SDK2: variants seen among roughly 807,000 people sequenced by gnomAD.
SDK2 encodes the protein protein sidekick-2.
Under a neutral mutation model 253.9 loss-of-function variants are expected in SDK2, and 105 were observed. The observed-to-expected ratio is 0.41, with a 90% CI of 0.35 to 0.49. The LOEUF is 0.49. Among genes scored for constraint, SDK2 ranks in the 20% least tolerant of loss-of-function variants. SDK2 has a pLI of 0.06. For synonymous variants in SDK2, 1,249 were observed against 1,234.9 expected (o/e 1.01, Z -0.24); for missense variants, 2,608 against 3,003.0 (o/e 0.87, Z 3.07).
intron 1 of SDK2, among the ~76,000 whole-genome samples, chr17:73,605,066 G>A (rs997106181): frequency 6.6e-6 from 1 of 152,204 alleles, no homozygotes; most frequent in Non-Finnish European, 1.5e-5. Context: ...GGGCAAGGGG[G>A]CAAGGCCGTA....
At chr17:73,384,707 T>C (rs1016860143) in intron 32 of SDK2, among the ~76,000 whole-genome samples, 9 of 152,294 alleles carry the variant, frequency 5.9e-5, no homozygotes, top group African/African-American at 2.2e-4. Flanking sequence ...GTAGTCTTGC[T>C]TGGAAGGCTG....
chr17:73,617,181 T>C (rs747075077), intron 1 of SDK2, among the ~76,000 whole-genome samples: 10 of 135,158 alleles, frequency 7.4e-5, no homozygotes, highest in Non-Finnish European at 1.3e-4. Context: ...GGGAGAGGGC[T>C]CCAGGGGAGG....
intron 2 of SDK2, among the ~76,000 whole-genome samples, chr17:73,477,195 C>T (rs894778703): frequency 6.6e-6 from 1 of 152,192 alleles, no homozygotes; most frequent in Non-Finnish European, 1.5e-5. Flanking sequence ...CACTCATTAT[C>T]CCCAATGCGC....
intron 2 of SDK2, among the ~76,000 whole-genome samples, chr17:73,503,139 A>G (rs547535437): frequency 2.6e-4 from 39 of 152,334 alleles, no homozygotes; most frequent in African/African-American, 8.9e-4. Context: ...ATAGTTCTAG[A>G]TTTAAGGTGT....
intron 3 of SDK2, among the ~76,000 whole-genome samples, chr17:73,470,281 A>G (rs2063639458): frequency 6.6e-6 from 1 of 151,690 alleles, no homozygotes; most frequent in African/African-American, 2.4e-5. Context: ...ACATGCATGC[A>G]TGCATGCAAA....
chr17:73,579,430 T>C (rs1160164782), intron 1 of SDK2, among the ~76,000 whole-genome samples: 1 of 152,102 alleles, frequency 6.6e-6, no homozygotes, highest in African/African-American at 2.4e-5. Flanking sequence ...ATCCTCTTAC[T>C]CAGGCTTCTC....
chr17:73,499,707 G>A (rs2063870778), intron 2 of SDK2, among the ~76,000 whole-genome samples: 1 of 152,188 alleles, frequency 6.6e-6, no homozygotes, highest in South Asian at 2.1e-4. Context: ...ATAATCCCAG[G>A]CAAGTTTCTG....
chr17:73,414,588 C>T, intron 18 of SDK2, 56 bp downstream of exon 18: 3 of 1,393,596 alleles, frequency 2.2e-6, no homozygotes, highest in Non-Finnish European at 3.1e-6. Flanking sequence ...CCCCTCTCCC[C>T]ACCCCCTCCA....
At chr17:73,405,818 C>T (rs1161496224) in intron 18 of SDK2, among the ~76,000 whole-genome samples, 3 of 150,934 alleles carry the variant, frequency 2.0e-5, no homozygotes, top group African/African-American at 4.9e-5. Context: ...CTCTCGGGTT[C>T]ACGCCATTCT....
rs1043783797 is a variant in SDK2 at position 73,541,057 on chromosome 17, C to T, written c.65-33460G>A. Reference sequence around the variant, plus strand: ...GCTGCCAATGGTAAGCTGCTAGGCCCCCTGAGAGTAGGTGTCTGCCAGTGT... The same window carrying T: ...GCTGCCAATGGTAAGCTGCTAGGCCTCCTGAGAGTAGGTGTCTGCCAGTGT... On this transcript the variant is annotated intron_variant, in intron 1 of 44. Transcript: ENST00000392650. The surrounding 1 kb of genome is among the most constrained non-coding windows in gnomAD (Gnocchi z 4.3). Among the ~76,000 whole-genome samples, 2 of 152,306 alleles carry T rather than the reference C, an allele frequency of 1.3e-5. No individual in the cohort carries two copies. The highest frequency in any genetic ancestry group is 4.8e-5 in the African/African-American group (2 of 41,556).
chr17:73,437,656 G>A (rs2063380442), intron 8 of SDK2, 83 bp downstream of exon 8: 2 of 1,209,556 alleles, frequency 1.7e-6, no homozygotes, highest in African/African-American at 3.0e-5. Context: ...GAAGAAGCTG[G>A]AATTTAGAAA....
In SDK2 at chr17:73,605,241, G is replaced by A. The variant is rs138959970; in HGVS notation, c.64+38784C>T. 6.6e-3 allele frequency among the ~76,000 whole-genome samples: 1,007 copies of A among 152,222 alleles called. 8 individuals carry two copies. Among genetic ancestry groups the A allele is most frequent in the African/African-American group, 0.023 (952 of 41,540 alleles). On this transcript the variant is annotated intron_variant, in intron 1 of 44. Transcript: ENST00000392650. ...GAAGGAAAGATGTAGGGAAGAGGCC[G>A]GAGCAGTCAAGAGAAATTGCTAAGG...
intron 1 of SDK2, among the ~76,000 whole-genome samples, chr17:73,552,091 T>C (rs533777794): frequency 6.6e-6 from 1 of 151,774 alleles, no homozygotes; most frequent in South Asian, 2.1e-4. Flanking sequence ...TCGGCCAGCC[T>C]GTCCCCCCTG....
chr17:73,521,941 C>T (rs34260932), intron 1 of SDK2, among the ~76,000 whole-genome samples: 18,897 of 152,168 alleles, frequency 0.12, 1,768 homozygotes, highest in African/African-American at 0.26. Flanking sequence ...TGCCAGGCCT[C>T]GTGCTGGTGC....
Position 73,447,865 on chromosome 17 carries a change from C to T in SDK2, c.480-117G>A, listed in dbSNP as rs2063464828. 1 of 1,237,616 alleles carries T rather than the reference C, an allele frequency of 8.1e-7. No homozygotes were observed. The highest frequency in any genetic ancestry group is 1.1e-6 in the Non-Finnish European group (1 of 887,192). 76.7% of individuals were successfully genotyped at this position (1,237,616 alleles called of 1,614,324 possible). On this transcript the variant is annotated intron_variant, in intron 4 of 44. Transcript: ENST00000392650. The surrounding 1 kb of genome is among the most constrained non-coding windows in gnomAD (Gnocchi z 4.0). Reference sequence around the variant, plus strand: ...CCATATCTCCCAGTCCCCAGCCTCCCAGGGCCCCTCCTGCCACCCCCTCCC... The same window carrying T: ...CCATATCTCCCAGTCCCCAGCCTCCTAGGGCCCCTCCTGCCACCCCCTCCC...
chr17:73,497,765 T>C (rs530577446), intron 2 of SDK2, among the ~76,000 whole-genome samples: 10 of 152,178 alleles, frequency 6.6e-5, no homozygotes, highest in Admixed American at 5.2e-4. Context: ...ATTTGAAACA[T>C]GAGCATCTGA....
intron 12 of SDK2, among the ~76,000 whole-genome samples, chr17:73,430,087 C>A (rs781132472): frequency 1.3e-5 from 2 of 152,208 alleles, no homozygotes; most frequent in African/African-American, 2.4e-5. Flanking sequence ...CTGCCCAGAC[C>A]CCTCTGCTGC....
At chr17:73,485,498 G>A (rs1178739215) in intron 2 of SDK2, among the ~76,000 whole-genome samples, 2 of 152,180 alleles carry the variant, frequency 1.3e-5, no homozygotes, top group Non-Finnish European at 1.5e-5. Flanking sequence ...GGGCTGGGCT[G>A]AAGAATTTGG....
intron 1 of SDK2, among the ~76,000 whole-genome samples, chr17:73,530,015 G>A (rs1362789228): frequency 6.6e-6 from 1 of 152,114 alleles, no homozygotes; most frequent in Non-Finnish European, 1.5e-5. Flanking sequence ...CTATGGACAT[G>A]GGCAAGGTGG....
Sources: gnomAD v4.1 joint callset for allele counts (sites outside exome capture counted in the v4.1 genomes callset) on GRCh38, gnomAD v4.1.1 for gene constraint, Gnocchi (gnomAD v3.1) non-coding constraint, MANE v1.5 for transcripts, NCBI Gene and HGNC (gene_info 2026-07-23, HGNC 2026-07-21) for gene names.